FAM133B: variants seen among roughly 807,000 people sequenced by gnomAD.
FAM133B encodes the protein family with sequence similarity 133 member B.
FAM133B carries 25 observed loss-of-function variants against 46.4 expected under a neutral mutation model. That is an observed-to-expected ratio of 0.54 (90% CI 0.39 to 0.75). The LOEUF (loss-of-function observed/expected upper bound fraction) is 0.75. FAM133B is among the 30% of genes least tolerant of loss of function. The pLI is 0.00. For missense variants in FAM133B, 205 were observed against 277.6 expected (o/e 0.74, Z 1.86); for synonymous variants, 75 against 86.0 (o/e 0.87, Z 0.71).
At chr7:92,573,408 G>C (rs986676092) in intron 8 of FAM133B, among the ~76,000 whole-genome samples, 2 of 151,376 alleles carry the variant, frequency 1.3e-5, no homozygotes, top group African/African-American at 4.8e-5. Flanking sequence ...TCCTGCCTCA[G>C]CCTCCCAAAG....
At chr7:92,574,943 T>G (rs561741382) in intron 8 of FAM133B, among the ~76,000 whole-genome samples, 1 of 151,662 alleles carries the variant, frequency 6.6e-6, no homozygotes, top group Non-Finnish European at 1.5e-5. Flanking sequence ...AAATTCTGAG[T>G]AAAAACTAGT....
chr7:92,577,200 AT>A lies in FAM133B; in HGVS notation c.373-6del. 6.9e-7 allele frequency: 1 copy of A among 1,456,198 alleles called. No homozygotes were observed. The highest frequency in any genetic ancestry group is 9.1e-7 in the Non-Finnish European group (1 of 1,098,726). The allele number at this position is 1,456,198 out of a possible 1,614,324, so 90.2% of individuals were successfully genotyped here. A position where few individuals can be genotyped will look rare whatever the true frequency, so the allele number is the denominator to read the frequency against. On this transcript the variant is annotated splice_region_variant and splice_polypyrimidine_tract_variant and intron_variant, in intron 6 of 10. Coordinates refer to ENST00000445716, the MANE Select transcript of FAM133B (RefSeq NM_152789.4). ...CCGTTTTCCTTGTTTCTTATCCTAC[AT>A]AAAATATTTTTAGAAACATTTGCTT...
intron 4 of FAM133B, 63 bp from the exon 5 acceptor site, chr7:92,578,245 A>G: frequency 6.3e-7 from 1 of 1,594,564 alleles, no homozygotes; most frequent in Non-Finnish European, 8.6e-7. Context: ...GCATCTATTA[A>G]CAGTAGTATA....
intron 1 of FAM133B, among the ~76,000 whole-genome samples, chr7:92,582,896 C>T (rs6950219): frequency 0.11 from 17,459 of 152,142 alleles, 1,477 homozygotes; most frequent in African/African-American, 0.23. Context: ...GAATGTAAAA[C>T]GGTGTGGCCA....
chr7:92,575,051 T>A (rs941390249), intron 8 of FAM133B, among the ~76,000 whole-genome samples: 2 of 152,246 alleles, frequency 1.3e-5, no homozygotes, highest in Non-Finnish European at 2.9e-5. Context: ...AAGGTAGGCA[T>A]AAATTCTGCT....
intron 8 of FAM133B, among the ~76,000 whole-genome samples, chr7:92,572,167 CAA>C (rs1794552075): frequency 6.6e-6 from 1 of 151,992 alleles, no homozygotes; most frequent in Non-Finnish European, 1.5e-5. Flanking sequence ...GAAAAATGGG[CAA>C]AGACTATGAA....
intron 8 of FAM133B, among the ~76,000 whole-genome samples, chr7:92,573,375 G>A (rs376667879): frequency 5.3e-5 from 8 of 151,482 alleles, no homozygotes; most frequent in East Asian, 3.9e-4. Context: ...GGCTGGTCTC[G>A]AACTCCTGGC....
rs1197699093 is a variant in FAM133B at position 92,560,844 on chromosome 7, T to G, written c.*1438A>C. 2.0e-5 allele frequency: 3 copies of G among 152,562 alleles called. No individual in the cohort carries two copies. The highest frequency in any genetic ancestry group is 4.4e-5 in the Non-Finnish European group (3 of 68,026). The allele number at this position is 152,562 out of a possible 1,614,324, so 9.5% of individuals were successfully genotyped here. A position where few individuals can be genotyped will look rare whatever the true frequency, so the allele number is the denominator to read the frequency against. On this transcript the variant is annotated 3_prime_UTR_variant, in exon 11 of 11. Coordinates refer to ENST00000445716, the MANE Select transcript of FAM133B (RefSeq NM_152789.4). The stretch of plus-strand genomic sequence containing the variant: ...AGCCTGTTGTCATGCCAACATGTTC[T>G]GTGCATATACCACTATAATTAGCAC...
chr7:92,579,459 A>G (rs1794801397), intron 2 of FAM133B, 64 bp from the exon 3 acceptor site: 2 of 1,146,840 alleles, frequency 1.7e-6, no homozygotes, highest in Non-Finnish European at 2.5e-6. Context: ...GCTTACAAAT[A>G]AGACAACAAA....
chr7:92,583,799 AG>A (rs1307061579), intron 1 of FAM133B, among the ~76,000 whole-genome samples: 15 of 151,968 alleles, frequency 9.9e-5, no homozygotes, highest in Non-Finnish European at 2.1e-4. Context: ...CTGTAATCCT[AG>A]CACTTTGGGA....
rs916004072 is a variant in FAM133B, at chr7:92,574,246, C to CA, written c.516+1524dup. Among the ~76,000 whole-genome samples, 230 of 152,192 alleles carry CA rather than the reference C, an allele frequency of 1.5e-3. 1 individual carries two copies. Among genetic ancestry groups the CA allele is most frequent in the African/African-American group, 5.1e-3 (213 of 41,534 alleles). ...ACACACGGAATATTACTTAGCCATACAAAAAACCAAAGTACTGATACATGC... is the reference window on the plus strand; with the variant it reads ...ACACACGGAATATTACTTAGCCATACAAAAAAACCAAAGTACTGATACATGC... On this transcript the variant is annotated intron_variant, in intron 8 of 10. Coordinates refer to ENST00000445716, the MANE Select transcript of FAM133B (RefSeq NM_152789.4).
At chr7:92,584,228 ACT>A (rs982364106) in intron 1 of FAM133B, among the ~76,000 whole-genome samples, 3 of 151,844 alleles carry the variant, frequency 2.0e-5, no homozygotes, top group African/African-American at 7.3e-5. Flanking sequence ...CATTTATGAA[ACT>A]CTTCTACTTT....
At chr7:92,568,218 C>G (rs1190081891) in intron 9 of FAM133B, among the ~76,000 whole-genome samples, 1 of 152,110 alleles carries the variant, frequency 6.6e-6, no homozygotes, top group African/African-American at 2.4e-5. Flanking sequence ...AGAGGCTGAG[C>G]CACTGCACCA....
chr7:92,574,555 T>C (rs1373626274), intron 8 of FAM133B, among the ~76,000 whole-genome samples: 3 of 152,194 alleles, frequency 2.0e-5, no homozygotes, highest in Admixed American at 6.5e-5. Flanking sequence ...TATACCATTG[T>C]GTACCATGGT....
chr7:92,581,009 AT>A (rs1330171310), intron 2 of FAM133B, among the ~76,000 whole-genome samples: 8 of 152,216 alleles, frequency 5.3e-5, no homozygotes, highest in African/African-American at 1.7e-4. Flanking sequence ...AGCCTGTTGT[AT>A]GTTGTCTCAG....
intron 10 of FAM133B, among the ~76,000 whole-genome samples, chr7:92,563,111 G>C (rs537288502): frequency 1.3e-5 from 2 of 152,208 alleles, no homozygotes; most frequent in South Asian, 4.2e-4. Context: ...CCAAATGAGA[G>C]ACTGCTGCTA....
chr7:92,587,853 A>C (rs1441892311), intron 1 of FAM133B, among the ~76,000 whole-genome samples: 2 of 152,192 alleles, frequency 1.3e-5, no homozygotes, highest in African/African-American at 2.4e-5. Flanking sequence ...CATCAATTTT[A>C]ACAAATGTAC....
At chr7:92,577,778 G>C (rs1794746300) in intron 5 of FAM133B, 61 bp from the exon 6 acceptor site, 13 of 1,380,088 alleles carry the variant, frequency 9.4e-6, no homozygotes, top group Non-Finnish European at 1.0e-5. Context: ...CTTTTACAAA[G>C]TCTCTCAAAT....
At chr7:92,566,136 T>C in intron 9 of FAM133B, 75 bp from the exon 10 acceptor site, 4 of 1,393,138 alleles carry the variant, frequency 2.9e-6, no homozygotes, top group Non-Finnish European at 4.0e-6. Flanking sequence ...TCTTTCATTC[T>C]CTATCTTGCA....
Sources: gnomAD v4.1 joint callset for allele counts (sites outside exome capture counted in the v4.1 genomes callset) on GRCh38, gnomAD v4.1.1 for gene constraint, MANE v1.5 for transcripts, NCBI Gene and HGNC (gene_info 2026-07-23, HGNC 2026-07-21) for gene names.